TMIGD3: variants seen among roughly 807,000 people sequenced by gnomAD.
TMIGD3 encodes the protein AD026 protein (AD026).
In TMIGD3, 21 loss-of-function variants were observed where a neutral mutation model predicts 28.1. That is an observed-to-expected ratio of 0.75 (90% CI 0.53 to 1.08). The LOEUF is 1.08. TMIGD3 is among the 50% of genes least tolerant of loss of function. The probability of loss-of-function intolerance (pLI) is 0.00; values close to 1 mark genes in which losing one functional copy is unlikely to be tolerated. For missense variants in TMIGD3, 416 were observed against 435.6 expected (o/e 0.96, Z 0.40); for synonymous variants, 151 against 162.1 (o/e 0.93, Z 0.52).
At chr1:111,555,425 T>A (rs1050315537) in intron 1 of TMIGD3, among the ~76,000 whole-genome samples, 2 of 140,634 alleles carry the variant, frequency 1.4e-5, no homozygotes, top group African/African-American at 2.7e-5. Flanking sequence ...ACCAAATAGT[T>A]CCAGAAAAAA....
At chr1:111,516,628 GC>G in intron 1 of TMIGD3, among the ~76,000 whole-genome samples, 1 of 152,288 alleles carries the variant, frequency 6.6e-6, no homozygotes, top group South Asian at 2.1e-4. Context: ...GGTGAGTGGG[GC>G]CCAGGGTTTC....
upstream of TMIGD3, among the ~76,000 whole-genome samples, chr1:111,506,926 T>TACAC (rs374864857): frequency 0.02 from 2,707 of 134,814 alleles, 80 homozygotes; most frequent in African/African-American, 0.069. Flanking sequence ...TATATATATA[T>TACAC]ACACACACAC....
In TMIGD3 at chr1:111,492,260, T is replaced by C. The variant is rs550292518; in HGVS notation, c.351-1498A>G. 1.8e-3 allele frequency among the ~76,000 whole-genome samples: 276 copies of C among 152,298 alleles called. 1 individual carries two copies. Among genetic ancestry groups the C allele is most frequent in the Non-Finnish European group, 3.2e-3 (221 of 68,010 alleles). ...CACCCAACCAAAATGCCCCCTGAAT[T>C]TCTGCCCCTTAGAAACCATAAGAGA... On this transcript the variant is annotated intron_variant, in intron 1 of 5. Coordinates refer to ENST00000369716, the MANE Select transcript of TMIGD3 (RefSeq NM_020683.7).
chr1:111,510,368 G>A (rs1655649843), intron 1 of TMIGD3, among the ~76,000 whole-genome samples: 1 of 152,006 alleles, frequency 6.6e-6, no homozygotes, highest in Non-Finnish European at 1.5e-5. Context: ...AGTATGTCTC[G>A]GTGTTTCATC....
Position 111,550,452 on chromosome 1 carries a change from T to A in TMIGD3, c.107+13394A>T, listed in dbSNP as rs1050489127. Among the ~76,000 whole-genome samples the A allele has an allele frequency of 5.3e-5, 8 of 152,318 alleles. No individual in the cohort carries two copies. The East Asian group carries it at 1.5e-3, about 29-fold the overall frequency. ...ATTTGAGATCTTTCTTCTTTTTTAA[T>A]GAAGGTGTTCAACTAACTGTAAATT... On this transcript the variant is annotated intron_variant, in intron 1 of 5. Coordinates refer to the TMIGD3 transcript ENST00000369717.
At chr1:111,529,327 C>G (rs375309647) in intron 1 of TMIGD3, among the ~76,000 whole-genome samples, 24 of 152,076 alleles carry the variant, frequency 1.6e-4, no homozygotes, top group South Asian at 4.2e-4. Context: ...TTCCTTACCT[C>G]AAGAACCATT....
chr1:111,484,830 C>T (rs932460542), intron 5 of TMIGD3, among the ~76,000 whole-genome samples: 3 of 152,198 alleles, frequency 2.0e-5, no homozygotes, highest in Admixed American at 6.5e-5. Context: ...CTCTTCATTG[C>T]CTAAGGTGTT....
At chr1:111,531,553 A>G (rs1183400728) in intron 1 of TMIGD3, among the ~76,000 whole-genome samples, 1 of 152,122 alleles carries the variant, frequency 6.6e-6, no homozygotes, top group Non-Finnish European at 1.5e-5. Flanking sequence ...AATTCTATCA[A>G]GTGTGTCATT....
At chr1:111,489,749 G>A (rs1049388029) in intron 2 of TMIGD3, 9 of 1,031,414 alleles carry the variant, frequency 8.7e-6, no homozygotes, top group Admixed American at 5.4e-5. Flanking sequence ...TCTGCTGGCT[G>A]CACAGGGCTG....
At chr1:111,485,545 G>T (rs1261935629) in intron 5 of TMIGD3, 195 bp downstream of exon 5, 2 of 509,998 alleles carry the variant, frequency 3.9e-6, no homozygotes, top group Non-Finnish European at 7.0e-6. Flanking sequence ...AAGCTCCAGT[G>T]CTCCCTCTGT....
At position 111,529,821 on chromosome 1, in the gene TMIGD3, C is replaced by T. The variant is rs540586721; in HGVS notation, c.107+34025G>A. ...ATTTCTCAATCTTTTCCCCACCTTTCCCCCCTTTCTATTCCACAAAACCGC... is the reference window on the plus strand; with the variant it reads ...ATTTCTCAATCTTTTCCCCACCTTTTCCCCCTTTCTATTCCACAAAACCGC... On this transcript the variant is annotated intron_variant, in intron 1 of 5. Transcript: ENST00000369717. Among the ~76,000 whole-genome samples the T allele has an allele frequency of 3.6e-3, 548 of 152,182 alleles. 2 individuals carry two copies. The highest frequency in any genetic ancestry group is 0.036 in the South Asian group (172 of 4,820).
At chr1:111,542,041 G>GGAATACTT (rs1363267220) in intron 1 of TMIGD3, among the ~76,000 whole-genome samples, 1 of 151,614 alleles carries the variant, frequency 6.6e-6, no homozygotes. Context: ...TCTTTAAAGA[G>GGAATACTT]GAATACCTCT....
chr1:111,500,634 G>A (rs1571413049), intron 1 of TMIGD3: 1 of 1,393,430 alleles, frequency 7.2e-7, no homozygotes, highest in Non-Finnish European at 1.0e-6. Flanking sequence ...GTAAAGGAGA[G>A]AGAGAGAGGT....
chr1:111,558,525 T>C (rs543713633), intron 1 of TMIGD3, among the ~76,000 whole-genome samples: 5 of 152,184 alleles, frequency 3.3e-5, no homozygotes, highest in African/African-American at 1.2e-4. Context: ...AAATCCACAT[T>C]TGCTATTTAT....
At chr1:111,504,074 T>C (rs529154475), upstream of TMIGD3, 1 of 985,276 alleles carries the variant, frequency 1.0e-6, no homozygotes, top group Non-Finnish European at 1.2e-6. Flanking sequence ...CTTGCACGAG[T>C]TGACGCTTTG....
chr1:111,501,854 A>T (rs1236873662), intron 1 of TMIGD3, among the ~76,000 whole-genome samples: 1 of 151,856 alleles, frequency 6.6e-6, no homozygotes, highest in East Asian at 1.9e-4. Flanking sequence ...AAGTGACGAG[A>T]AACACGAGAC....
chr1:111,493,497 A>G (rs189429176), intron 1 of TMIGD3, among the ~76,000 whole-genome samples: 1 of 152,332 alleles, frequency 6.6e-6, no homozygotes, highest in Non-Finnish European at 1.5e-5. Flanking sequence ...AACAGGTCCC[A>G]GCACCATGCT....
intron 1 of TMIGD3, among the ~76,000 whole-genome samples, chr1:111,508,708 T>G (rs1655594349): frequency 6.6e-6 from 1 of 152,216 alleles, no homozygotes; most frequent in South Asian, 2.1e-4. Flanking sequence ...TGCTTTGTCA[T>G]GTGCAAAGCT....
chr1:111,544,432 T>C (rs1307965799), intron 1 of TMIGD3, among the ~76,000 whole-genome samples: 1 of 152,222 alleles, frequency 6.6e-6, no homozygotes, highest in Non-Finnish European at 1.5e-5. Context: ...ATTTTGGACA[T>C]TTCTATAGAT....
Sources: allele counts gnomAD v4.1 joint callset (sites outside exome capture counted in the v4.1 genomes callset), GRCh38; gene constraint gnomAD v4.1.1; transcripts MANE v1.5; gene names NCBI Gene and HGNC (gene_info 2026-07-23, HGNC 2026-07-21).